ARFGEF2: variants seen among roughly 807,000 people sequenced by gnomAD.
ARFGEF2 encodes brefeldin A-inhibited guanine nucleotide-exchange protein 2.
A neutral mutation model predicts 219.9 loss-of-function variants in ARFGEF2; 74 were observed. The ratio of observed to expected loss-of-function variants is 0.34; its 90% CI spans 0.28 to 0.41. The LOEUF (loss-of-function observed/expected upper bound fraction) is 0.41, where lower values mean the gene tolerates loss of function less well. Among genes scored for constraint, ARFGEF2 ranks in the 10% least tolerant of loss-of-function variants. The probability of loss-of-function intolerance (pLI) is 1.00; values close to 1 mark genes in which losing one functional copy is unlikely to be tolerated. For synonymous variants in ARFGEF2, 733 were observed against 799.2 expected, an observed-to-expected ratio of 0.92 and a Z score of 1.40; for missense variants, 1,743 against 2,218.3, an observed-to-expected ratio of 0.79 and a Z score of 4.30.
chr20:49,023,646 C>T (rs1014044874), intron 35 of ARFGEF2, among the ~76,000 whole-genome samples: 8 of 150,402 alleles, frequency 5.3e-5, no homozygotes, highest in Non-Finnish European at 1.2e-4. Context: ...TCACGCCATT[C>T]TCCTGCCTCA....
In ARFGEF2 at chr20:48,988,559, G is replaced by T. The variant is rs2091339585; in HGVS notation, c.2430G>T (p.Leu810=). The change falls in exon 18 of 39, where the codon CTG becomes CTT. Residue 810 remains leucine, a synonymous_variant. Transcript: ENST00000371917. ...GGGGTATCAATGATAGTAAAGATCT[G>T]CCAGAAGAGTATCTCTCAAGCATCT... is the stretch of plus-strand genomic sequence containing the variant. The part of the protein sequence containing the change: ...MNRGINDSKD[L]PEEYLSSIYE... 1.2e-6 allele frequency: 2 copies of T among 1,613,768 alleles called. No individual in the cohort carries two copies. Among genetic ancestry groups the T allele is most frequent in the African/African-American group, 2.7e-5 (2 of 75,006 alleles).
chr20:48,974,203 G>A (rs1372164550), intron 12 of ARFGEF2, among the ~76,000 whole-genome samples: 1 of 128,296 alleles, frequency 7.8e-6, no homozygotes, highest in Non-Finnish European at 1.5e-5. Context: ...TCAGCTCACT[G>A]CAACCTCCAC....
At chr20:48,976,294 AC>A in intron 14 of ARFGEF2, 95 bp downstream of exon 14, 1 of 1,480,398 alleles carries the variant, frequency 6.8e-7, no homozygotes, top group Non-Finnish European at 9.2e-7. Flanking sequence ...ATGCCTGTTT[AC>A]AAAAGGCTGG....
intron 34 of ARFGEF2, among the ~76,000 whole-genome samples, chr20:49,022,429 C>CA (rs1193595894): frequency 3.5e-4 from 49 of 140,676 alleles, no homozygotes; most frequent in South Asian, 2.4e-3. Flanking sequence ...ACAACAACAA[C>CA]AAAAAAAAAA....
chr20:48,941,840 G>C, intron 2 of ARFGEF2, 24 bp from the exon 3 acceptor site: 2 of 1,613,944 alleles, frequency 1.2e-6, no homozygotes, highest in East Asian at 4.5e-5. Flanking sequence ...TTCTTCTCCC[G>C]ACCCTCTCTT....
Position 48,998,424 on chromosome 20 carries a change from G to A in ARFGEF2, c.3351G>A (p.Val1117=). 1 of 1,613,958 alleles carries A rather than the reference G, an allele frequency of 6.2e-7. No individual in the cohort carries two copies. ...GCATGTTCAGCTTGCAGAAGATTGT[G>A]GAGATATCATACTACAACATGAATC... is the stretch of plus-strand genomic sequence containing the variant. ...HPRMFSLQKI[V]EISYYNMNRI... Residue 1117 remains valine, a synonymous_variant, in exon 25 of 39, where the codon GTG becomes GTA. Transcript: ENST00000371917.
intron 3 of ARFGEF2, among the ~76,000 whole-genome samples, chr20:48,944,995 A>G (rs1365856802): frequency 1.3e-5 from 2 of 152,192 alleles, no homozygotes; most frequent in Non-Finnish European, 2.9e-5. Flanking sequence ...AGATCAAGGT[A>G]CTGGCTGATT....
At chr20:48,974,597 T>C (rs540928306) in intron 12 of ARFGEF2, among the ~76,000 whole-genome samples, 169 bp from the exon 13 acceptor site, 1 of 152,336 alleles carries the variant, frequency 6.6e-6, no homozygotes, top group East Asian at 1.9e-4. Flanking sequence ...GCTTTTGCAA[T>C]GTATCCTTGA....
At chr20:48,985,206 C>T (rs546987509) in intron 15 of ARFGEF2, among the ~76,000 whole-genome samples, 1 of 138,674 alleles carries the variant, frequency 7.2e-6, no homozygotes, top group East Asian at 2.1e-4. Flanking sequence ...GCCCCCTCCT[C>T]TTCCTTCATC....
At chr20:48,954,193 C>G (rs547482873) in intron 6 of ARFGEF2, among the ~76,000 whole-genome samples, 109 of 152,282 alleles carry the variant, frequency 7.2e-4, no homozygotes, top group African/African-American at 2.5e-3. Context: ...GCAGTAGCCA[C>G]TCATAGATAT....
intron 3 of ARFGEF2, among the ~76,000 whole-genome samples, chr20:48,945,224 G>A (rs1463075340): frequency 1.3e-5 from 2 of 152,082 alleles, no homozygotes; most frequent in Admixed American, 6.6e-5. Flanking sequence ...AAATTTTAGG[G>A]GGACACAAAC....
chr20:49,006,882 TG>T lies in ARFGEF2; in HGVS notation c.3584+1662del, dbSNP rs146032098. On this transcript the variant is annotated intron_variant, in intron 26 of 38. Coordinates refer to ENST00000371917, the MANE Select transcript of ARFGEF2 (RefSeq NM_006420.3). ...AAAGATGGAAGCCGTTGGAGGTTTT[TG>T]TTTTTTTTTTTGACGGAGTCTCTCC... 7.9e-3 allele frequency among the ~76,000 whole-genome samples: 1,169 copies of T among 148,412 alleles called. 18 individuals are homozygous for T. Among genetic ancestry groups the T allele is most frequent in the Middle Eastern group, 0.01 (3 of 290 alleles).
chr20:48,922,225 G>C (rs2090846875), intron 1 of ARFGEF2, among the ~76,000 whole-genome samples: 1 of 152,244 alleles, frequency 6.6e-6, no homozygotes, highest in Non-Finnish European at 1.5e-5. Context: ...GACAACCAGA[G>C]CTTGTTCCTC....
At chr20:48,951,600 A>T (rs186988415) in intron 4 of ARFGEF2, 131 bp downstream of exon 4, 1 of 1,242,604 alleles carries the variant, frequency 8.0e-7, no homozygotes, top group Admixed American at 1.9e-5. Flanking sequence ...TTTAAGCGTC[A>T]CTTAGATCTT....
At chr20:48,936,796 G>A (rs1346331109) in intron 1 of ARFGEF2, among the ~76,000 whole-genome samples, 1 of 152,118 alleles carries the variant, frequency 6.6e-6, no homozygotes, top group Non-Finnish European at 1.5e-5. Context: ...CAAAGTGCTG[G>A]GATTACAGGC....
intron 10 of ARFGEF2, 88 bp downstream of exon 10, chr20:48,971,442 A>G: frequency 9.3e-7 from 1 of 1,072,030 alleles, no homozygotes; most frequent in Non-Finnish European, 1.4e-6. Context: ...TGCTGCTAAT[A>G]TTACACTAAG....
chr20:48,988,117 A>C (rs2091336711), intron 16 of ARFGEF2, among the ~76,000 whole-genome samples, 187 bp from the exon 17 acceptor site: 1 of 152,100 alleles, frequency 6.6e-6, no homozygotes, highest in South Asian at 2.1e-4. Context: ...ACAGATTGTT[A>C]ATGAGCTTTT....
chr20:48,998,786 A>C (rs2091407275), intron 25 of ARFGEF2, among the ~76,000 whole-genome samples: 1 of 152,206 alleles, frequency 6.6e-6, no homozygotes, highest in South Asian at 2.1e-4. Context: ...CACTAGACAA[A>C]TACACTGATG....
At chr20:48,922,073 T>C in intron 1 of ARFGEF2, 63 bp downstream of exon 1, 1 of 1,523,976 alleles carries the variant, frequency 6.6e-7, no homozygotes, top group East Asian at 2.6e-5. Flanking sequence ...TGCCCTATCC[T>C]ACTCGGCCTT....
Sources: allele counts gnomAD v4.1 joint callset (sites outside exome capture counted in the v4.1 genomes callset), GRCh38; gene constraint gnomAD v4.1.1; transcripts MANE v1.5; gene names NCBI Gene and HGNC (gene_info 2026-07-23, HGNC 2026-07-21).